Variants in BEND5 observed in about 807,000 individuals in gnomAD.
BEND5 encodes BEN domain-containing protein 5.
Under a neutral mutation model 43.9 loss-of-function variants are expected in BEND5, and 22 were observed. The ratio of observed to expected loss-of-function variants is 0.50; its 90% CI spans 0.36 to 0.72. The LOEUF (loss-of-function observed/expected upper bound fraction) is 0.72. BEND5 is among the 30% of genes least tolerant of loss of function. BEND5 has a pLI of 0.00. For missense variants in BEND5, 428 were observed against 550.6 expected (o/e 0.78, Z 2.23); for synonymous variants, 228 against 225.9 (o/e 1.01, Z -0.08).
chr1:48,759,911 G>C (rs1348190568), intron 2 of BEND5, among the ~76,000 whole-genome samples: 1 of 152,190 alleles, frequency 6.6e-6, no homozygotes, highest in Non-Finnish European at 1.5e-5. Context: ...CTCAGTAGGG[G>C]CTTGAAAAAT....
At chr1:48,748,350 T>G (rs2148618474) in intron 3 of BEND5, among the ~76,000 whole-genome samples, 1 of 152,338 alleles carries the variant, frequency 6.6e-6, no homozygotes. Flanking sequence ...TCTGGTTTCA[T>G]TCCTTTGGTG....
chr1:48,742,703 A>G lies in BEND5; in HGVS notation c.814T>C (p.Phe272Leu). 1.2e-6 allele frequency: 2 copies of G among 1,611,424 alleles called. No homozygotes were observed. The highest frequency in any genetic ancestry group is 1.7e-6 in the Non-Finnish European group (2 of 1,178,656). ...LEPEPELRST[F>L]SEEANTSSYY... ...GACGACGTATTTGCTTCCTCACTGA[A>G]AGTGCTCCGTAACTCCGGCTCGGGC... is the stretch of plus-strand genomic sequence containing the variant. Residue 272 changes from phenylalanine to leucine, a missense_variant, in exon 4 of 6, where the codon TTC becomes CTC. Phe to Leu is a conservative substitution (Grantham distance 22). Around this residue, in one of 4 missense-constraint regions of BEND5, gnomAD observed 243 missense variants for 286.4 expected, o/e 0.85. Coordinates refer to ENST00000371833, the MANE Select transcript of BEND5 (RefSeq NM_024603.4).
intron 2 of BEND5, among the ~76,000 whole-genome samples, chr1:48,760,102 A>G (rs916031821): frequency 1.3e-5 from 2 of 152,192 alleles, no homozygotes; most frequent in Admixed American, 6.5e-5. Context: ...TTCCAGTACA[A>G]GGCTCCTTCC....
chr1:48,769,863 A>C (rs953374772), intron 1 of BEND5, among the ~76,000 whole-genome samples: 1 of 152,218 alleles, frequency 6.6e-6, no homozygotes, highest in Non-Finnish European at 1.5e-5. Context: ...ACAGCTTCTA[A>C]GTAGCACAGT....
chr1:48,754,149 G>A (rs192036633), intron 3 of BEND5, among the ~76,000 whole-genome samples: 8 of 152,256 alleles, frequency 5.3e-5, no homozygotes. Context: ...AACTGGGGAG[G>A]ACACCGTAGC....
chr1:48,749,761 A>C (rs1366989860), intron 3 of BEND5, among the ~76,000 whole-genome samples: 1 of 152,212 alleles, frequency 6.6e-6, no homozygotes, highest in Non-Finnish European at 1.5e-5. Flanking sequence ...CTGGTTCTTC[A>C]TCTGTGGTTC....
At chr1:48,728,313 G>T (rs1180056727) in intron 5 of BEND5, among the ~76,000 whole-genome samples, 2 of 151,756 alleles carry the variant, frequency 1.3e-5, no homozygotes, top group Non-Finnish European at 2.9e-5. Context: ...CCAAGCACCT[G>T]CAGGCCCCTC....
intron 1 of BEND5, among the ~76,000 whole-genome samples, chr1:48,768,515 T>C (rs989345958): frequency 6.6e-6 from 1 of 152,142 alleles, no homozygotes; most frequent in Non-Finnish European, 1.5e-5. Context: ...ATGCTGGTAA[T>C]AGGCAAATGG....
intron 1 of BEND5, among the ~76,000 whole-genome samples, chr1:48,762,178 G>C (rs1224555432): frequency 3.9e-5 from 6 of 152,174 alleles, no homozygotes; most frequent in African/African-American, 1.4e-4. Flanking sequence ...GCCGGGAGTG[G>C]GAAAGAGGCC....
chr1:48,771,398 C>T (rs954704088), intron 1 of BEND5, among the ~76,000 whole-genome samples: 3 of 152,196 alleles, frequency 2.0e-5, no homozygotes, highest in Non-Finnish European at 4.4e-5. Flanking sequence ...TAAAAAGCAA[C>T]TTGCCTGGGA....
In BEND5 at chr1:48,761,391, T is replaced by A. The variant is rs1053236746; in HGVS notation, c.306A>T (p.Glu102Asp). ...CCCCATAATCTTTAACCTCTCCATC[T>A]TCTTCTACATGATTAAGAGAAAGCT... ...IPKLSLNHVE[E>D]DGEVKDYGEE... Residue 102 changes from glutamate (E) to aspartate (D), a missense_variant, in exon 2 of 6, where the codon GAA becomes GAT. Transcript: ENST00000371833. 2 of 1,551,924 alleles carry A rather than the reference T, an allele frequency of 1.3e-6. No individual in the cohort carries two copies. The highest frequency in any genetic ancestry group is 1.7e-6 in the Non-Finnish European group (2 of 1,146,946).
chr1:48,736,196 A>G lies in BEND5; in HGVS notation c.1108+43T>C, dbSNP rs905345111. 3 of 1,570,204 alleles carry G rather than the reference A, an allele frequency of 1.9e-6. No individual in the cohort carries two copies. On this transcript the variant is annotated intron_variant, in intron 5 of 5. Transcript: ENST00000371833. The surrounding 1 kb of genome is among the most constrained non-coding windows in gnomAD (Gnocchi z 4.0). ...TGCCTAACACATTCTTGACAGAGTAAAAGACAGAATCCCAGCCATTGTGTT... is the reference window on the plus strand; with the variant it reads ...TGCCTAACACATTCTTGACAGAGTAGAAGACAGAATCCCAGCCATTGTGTT...
intron 4 of BEND5, among the ~76,000 whole-genome samples, chr1:48,741,879 G>A (rs1649969823): frequency 6.6e-6 from 1 of 152,196 alleles, no homozygotes; most frequent in Non-Finnish European, 1.5e-5. Flanking sequence ...GGGCTCTGAT[G>A]TACTTCTTCA....
intron 4 of BEND5, among the ~76,000 whole-genome samples, chr1:48,739,327 T>G (rs1649552928): frequency 6.6e-6 from 1 of 152,234 alleles, no homozygotes; most frequent in Admixed American, 6.5e-5. Flanking sequence ...TTCAACTGTG[T>G]TTTTAGGTAA....
At chr1:48,750,216 C>T (rs529255794) in intron 3 of BEND5, among the ~76,000 whole-genome samples, 1 of 152,288 alleles carries the variant, frequency 6.6e-6, no homozygotes, top group Admixed American at 6.5e-5. Flanking sequence ...TGAAGGACTG[C>T]ACCCCAGCCC....
chr1:48,770,191 CTG>C (rs1557973851), intron 1 of BEND5, among the ~76,000 whole-genome samples: 1 of 152,204 alleles, frequency 6.6e-6, no homozygotes, highest in East Asian at 1.9e-4. Flanking sequence ...TGGTGCAAAA[CTG>C]AGAAAATGAA....
chr1:48,756,066 C>A (rs1179942687), intron 3 of BEND5, among the ~76,000 whole-genome samples: 2 of 152,178 alleles, frequency 1.3e-5, no homozygotes, highest in Non-Finnish European at 2.9e-5. Flanking sequence ...CAGGAGCTAA[C>A]AGTAATCAAG....
chr1:48,746,169 C>CTA (rs201496506), intron 3 of BEND5, among the ~76,000 whole-genome samples: 17 of 151,912 alleles, frequency 1.1e-4, no homozygotes, highest in East Asian at 1.9e-4. Flanking sequence ...AATCAGATAA[C>CTA]TATATATATA....
At chr1:48,739,480 A>C (rs1337293477) in intron 4 of BEND5, among the ~76,000 whole-genome samples, 1 of 152,168 alleles carries the variant, frequency 6.6e-6, no homozygotes, top group Non-Finnish European at 1.5e-5. Flanking sequence ...GTCCATCTAC[A>C]CTACAAAATT....
Sources: allele counts gnomAD v4.1 joint callset (sites outside exome capture counted in the v4.1 genomes callset), GRCh38; gene constraint gnomAD v4.1.1; regional missense constraint gnomAD v4.1.1; non-coding constraint Gnocchi (gnomAD v3.1); transcripts MANE v1.5; gene names NCBI Gene and HGNC (gene_info 2026-07-23, HGNC 2026-07-21).